Variants in DGAT2 observed in about 807,000 individuals in gnomAD.
DGAT2 encodes acyl-CoA retinol O-fatty-acyltransferase.
In DGAT2, 33 loss-of-function variants were observed where a neutral mutation model predicts 48.4. The ratio of observed to expected loss-of-function variants is 0.68; its 90% CI spans 0.52 to 0.91. The LOEUF is 0.91. Ranked by LOEUF, DGAT2 falls within the 40% of genes least tolerant of loss-of-function variation. The probability of loss-of-function intolerance (pLI) is 0.00; values close to 1 mark genes in which losing one functional copy is unlikely to be tolerated. For synonymous variants in DGAT2, 191 were observed against 194.1 expected, an observed-to-expected ratio of 0.98 and a Z score of 0.13; for missense variants, 446 against 493.7, an observed-to-expected ratio of 0.90 and a Z score of 0.92.
intron 4 of DGAT2, 52 bp from the exon 5 acceptor site, chr11:75,796,276 C>G (rs367900798): frequency 6.5e-6 from 10 of 1,534,308 alleles, no homozygotes; most frequent in Non-Finnish European, 9.0e-6. Context: ...CCGGGTATGC[C>G]CCGGTATCCC....
chr11:75,774,744 C>A (rs1944788832), intron 1 of DGAT2, among the ~76,000 whole-genome samples: 2 of 152,212 alleles, frequency 1.3e-5, no homozygotes, highest in African/African-American at 4.8e-5. Flanking sequence ...CCCAGAAGAA[C>A]CTGTCTCCCC....
intron 2 of DGAT2, among the ~76,000 whole-genome samples, chr11:75,787,944 T>G (rs1325980616): frequency 1.3e-5 from 2 of 152,166 alleles, no homozygotes; most frequent in East Asian, 3.9e-4. Flanking sequence ...GGATACCCCA[T>G]CAGGCCTCTT....
At chr11:75,799,263 A>G (rs1320142441) in intron 7 of DGAT2, among the ~76,000 whole-genome samples, 1 of 152,244 alleles carries the variant, frequency 6.6e-6, no homozygotes, top group Admixed American at 6.5e-5. Context: ...ATGTGAAGGA[A>G]TTTGCTCTTC....
At chr11:75,782,204 G>T (rs1379701285) in intron 1 of DGAT2, among the ~76,000 whole-genome samples, 1 of 152,166 alleles carries the variant, frequency 6.6e-6, no homozygotes, top group Non-Finnish European at 1.5e-5. Context: ...TCTCACCCCA[G>T]CCCCTACCTG....
chr11:75,785,866 AG>A (rs1223410038), intron 2 of DGAT2, among the ~76,000 whole-genome samples: 1 of 152,234 alleles, frequency 6.6e-6, no homozygotes, highest in African/African-American at 2.4e-5. Context: ...AAATTCACAA[AG>A]GTTCATCAAC....
intron 4 of DGAT2, 48 bp downstream of exon 4, chr11:75,790,779 A>AGTAG: frequency 6.2e-7 from 1 of 1,602,040 alleles, no homozygotes; most frequent in African/African-American, 1.3e-5. Context: ...TGGATGGGAA[A>AGTAG]TCTGAACTCA....
rs1945056924 is a variant in DGAT2 at position 75,796,546 on chromosome 11, C to T, written c.634+14C>T. 6.2e-7 allele frequency: 1 copy of T among 1,609,244 alleles called. No homozygotes were observed. Among genetic ancestry groups the T allele is most frequent in the Non-Finnish European group, 8.5e-7 (1 of 1,178,174 alleles). On this transcript the variant is annotated intron_variant, in intron 5 of 7. Coordinates refer to ENST00000228027, the MANE Select transcript of DGAT2 (RefSeq NM_032564.5). ...TGATGTCTGGAGGTAAGAATCCACC[C>T]CCTGTGCTCCTGCTGGGCACTGTTG...
At chr11:75,788,538 A>T (rs1944947605) in intron 2 of DGAT2, among the ~76,000 whole-genome samples, 1 of 152,152 alleles carries the variant, frequency 6.6e-6, no homozygotes, top group South Asian at 2.1e-4. Context: ...AGGAGTCTAG[A>T]ACAGGGCTAG....
intron 1 of DGAT2, among the ~76,000 whole-genome samples, chr11:75,779,639 G>A (rs1320440690): frequency 2.0e-5 from 3 of 152,222 alleles, no homozygotes; most frequent in Admixed American, 6.5e-5. Flanking sequence ...CCAAAGGTAG[G>A]AGCAAATGAG....
chr11:75,796,325 C>T lies in DGAT2; in HGVS notation c.430-3C>T, dbSNP rs369892562. 74 of 1,612,710 alleles carry T rather than the reference C, an allele frequency of 4.6e-5. No individual in the cohort carries two copies. The South Asian group carries it at 6.8e-4, about 15-fold the overall frequency. On this transcript the variant is annotated splice_region_variant and splice_polypyrimidine_tract_variant and intron_variant, in intron 4 of 7. Transcript: ENST00000228027. The stretch of plus-strand genomic sequence containing the variant: ...TTCCTCTGACCCAAGGTCATCCTTG[C>T]AGCTGGTGAAGACACACAACCTGCT...
chr11:75,779,462 G>A (rs1166200081), intron 1 of DGAT2, among the ~76,000 whole-genome samples: 1 of 152,192 alleles, frequency 6.6e-6, no homozygotes, highest in Non-Finnish European at 1.5e-5. Flanking sequence ...CCTCACCTCA[G>A]TTTCCTTCTC....
At chr11:75,777,747 C>T (rs1001599354) in intron 1 of DGAT2, among the ~76,000 whole-genome samples, 4 of 152,120 alleles carry the variant, frequency 2.6e-5, no homozygotes, top group African/African-American at 9.7e-5. Context: ...TGTGGGCTTT[C>T]GAGAGGCGTG....
chr11:75,797,243 T>C lies in DGAT2; in HGVS notation c.720T>C (p.Gly240=). The C allele has an allele frequency of 6.3e-7, 1 of 1,582,026 alleles. No homozygotes were observed. Among genetic ancestry groups the C allele is most frequent in the African/African-American group, 1.4e-5 (1 of 73,254 alleles). Residue 240 remains glycine, a synonymous_variant, in exon 6 of 8, where the codon GGT becomes GGC. Coordinates refer to ENST00000228027, the MANE Select transcript of DGAT2 (RefSeq NM_032564.5). ...SGNAIIIVVG[G]AAESLSSMPG... is the part of the protein sequence containing the mutation. ...ATGCTATCATCATCGTGGTCGGGGG[T>C]GCGGCTGAGTCTCTGAGCTCCATGC...
chr11:75,794,445 A>G (rs2135778057), intron 4 of DGAT2: 1 of 152,386 alleles, frequency 6.6e-6, no homozygotes, highest in African/African-American at 2.4e-5. Context: ...CAGGGCAGCC[A>G]AAAAGACCAA....
chr11:75,783,164 A>G (rs1944885237), intron 1 of DGAT2, among the ~76,000 whole-genome samples: 2 of 152,178 alleles, frequency 1.3e-5, no homozygotes, highest in South Asian at 4.1e-4. Flanking sequence ...CTGAACACCC[A>G]ATTTGTGCAC....
At position 75,800,707 on chromosome 11, in the gene DGAT2, C is replaced by A. The variant is rs539516097; in HGVS notation, c.*199C>A. ...TCTTTCACTTCCAGCTTGCCCTGTT[C>A]TAGGTGGTGGCTAAATCTGGGCCTA... On this transcript the variant is annotated 3_prime_UTR_variant, in exon 8 of 8. Transcript: ENST00000228027. 802 of 670,260 alleles carry A rather than the reference C, an allele frequency of 1.2e-3. 3 individuals are homozygous for A. The highest frequency in any genetic ancestry group is 0.012 in the African/African-American group (639 of 54,292). The allele number at this position is 670,260 out of a possible 1,614,324, so 41.5% of individuals were successfully genotyped here.
At chr11:75,793,685 A>G (rs903796324) in intron 4 of DGAT2, 3 of 152,334 alleles carry the variant, frequency 2.0e-5, no homozygotes, top group African/African-American at 7.2e-5. Context: ...GGGGACAAAA[A>G]GATGCTGCAC....
rs759528437 is a variant in DGAT2, at chr11:75,796,360, G to A, written c.462G>A (p.Arg154=). 4 of 1,614,096 alleles carry A rather than the reference G, an allele frequency of 2.5e-6. No homozygotes were observed. In the South Asian group the frequency reaches 4.4e-5, roughly 18 times the overall value. ...AGACACACAACCTGCTGACCACCAG[G>A]AACTATATCTTTGGATACCACCCCC... The part of the protein sequence containing the change: ...LVKTHNLLTT[R]NYIFGYHPHG... The change falls in exon 5 of 8, where the codon AGG becomes AGA. Residue 154 remains arginine, a synonymous_variant. Coordinates refer to ENST00000228027, the MANE Select transcript of DGAT2 (RefSeq NM_032564.5).
In DGAT2 at chr11:75,768,851, G is replaced by C. The variant is rs901945285; in HGVS notation, c.-141G>C. 6 of 1,124,902 alleles carry C rather than the reference G, an allele frequency of 5.3e-6. No homozygotes were observed. Among genetic ancestry groups the C allele is most frequent in the East Asian group, 3.2e-5 (1 of 30,920 alleles). 69.7% of individuals were successfully genotyped at this position (1,124,902 alleles called of 1,614,324 possible). On this transcript the variant is annotated 5_prime_UTR_variant, in exon 1 of 8. Coordinates refer to ENST00000228027, the MANE Select transcript of DGAT2 (RefSeq NM_032564.5). ...CCACTGGCCGCCGGCCGCAGCTCCA[G>C]GTGTCCTAGCCGCCCAGCCTCGACG...
Sources: gnomAD v4.1 joint callset for allele counts (sites outside exome capture counted in the v4.1 genomes callset) on GRCh38, gnomAD v4.1.1 for gene constraint, MANE v1.5 for transcripts, NCBI Gene and HGNC (gene_info 2026-07-23, HGNC 2026-07-21) for gene names.